Variants in MECOM observed in about 807,000 individuals in gnomAD.
MECOM encodes the protein histone-lysine N-methyltransferase MECOM.
MECOM carries 13 observed loss-of-function variants against 116.3 expected under a neutral mutation model. The observed-to-expected ratio is 0.11, with a 90% CI of 0.07 to 0.18. MECOM has a LOEUF of 0.18. Among genes scored for constraint, MECOM ranks in the 10% least tolerant of loss-of-function variants. The pLI, the probability that MECOM is intolerant of heterozygous loss-of-function variation, is 1.00. For synonymous variants in MECOM, 528 were observed against 535.2 expected (o/e 0.99, Z 0.19); for missense variants, 1,299 against 1,509.0 (o/e 0.86, Z 2.31).
At chr3:169,220,867 G>C (rs1279489572) in intron 2 of MECOM, among the ~76,000 whole-genome samples, 1 of 152,166 alleles carries the variant, frequency 6.6e-6, no homozygotes, top group Non-Finnish European at 1.5e-5. Flanking sequence ...CTGTCTTGTT[G>C]ACTAGTGTAT....
At chr3:169,290,745 T>C (rs1714382188) in intron 2 of MECOM, among the ~76,000 whole-genome samples, 1 of 152,186 alleles carries the variant, frequency 6.6e-6, no homozygotes, top group Admixed American at 6.5e-5. Flanking sequence ...TTCTAGATCA[T>C]AAATACTGAA....
At chr3:169,489,090 T>C (rs371499421) in intron 1 of MECOM, among the ~76,000 whole-genome samples, 3 of 152,268 alleles carry the variant, frequency 2.0e-5, no homozygotes, top group East Asian at 3.9e-4. Context: ...CTAGATAGAC[T>C]ACTATGAACA....
chr3:169,247,198 T>G (rs755632697), intron 2 of MECOM, among the ~76,000 whole-genome samples: 6 of 152,170 alleles, frequency 3.9e-5, no homozygotes, highest in South Asian at 2.1e-4. Flanking sequence ...TAATAATTAC[T>G]ATCATTCAGT....
intron 1 of MECOM, among the ~76,000 whole-genome samples, chr3:169,483,375 A>T (rs976577882): frequency 6.7e-6 from 1 of 149,660 alleles, no homozygotes; most frequent in African/African-American, 2.5e-5. Flanking sequence ...TTAAAATCAA[A>T]CAGTCACTAC....
At chr3:169,392,342 T>C (rs1168088654) in intron 1 of MECOM, among the ~76,000 whole-genome samples, 2 of 152,214 alleles carry the variant, frequency 1.3e-5, no homozygotes, top group Non-Finnish European at 1.5e-5. Flanking sequence ...AATGCTTCAA[T>C]TGCACATTCC....
chr3:169,629,601 G>A (rs56062766), intron 1 of MECOM, among the ~76,000 whole-genome samples: 4,371 of 152,198 alleles, frequency 0.029, 112 homozygotes, highest in East Asian at 0.067. Context: ...GTGTTCTTAC[G>A]TATGAGATTG....
At chr3:169,148,244 A>G (rs1005990803) in intron 2 of MECOM, among the ~76,000 whole-genome samples, 4 of 152,192 alleles carry the variant, frequency 2.6e-5, no homozygotes, top group African/African-American at 9.6e-5. Context: ...TACATTAATT[A>G]AAACACCTTG....
intron 2 of MECOM, among the ~76,000 whole-genome samples, chr3:169,357,620 G>T (rs1007345001): frequency 1.3e-5 from 2 of 151,756 alleles, no homozygotes; most frequent in Non-Finnish European, 2.9e-5. Flanking sequence ...TTACAGGTGT[G>T]CTTCCCACCT....
At chr3:169,356,706 G>A (rs1359861071) in intron 2 of MECOM, among the ~76,000 whole-genome samples, 2 of 151,896 alleles carry the variant, frequency 1.3e-5, no homozygotes, top group East Asian at 3.9e-4. Context: ...GCAAGGTAGT[G>A]GACGTCCCAG....
chr3:169,198,971 G>A (rs1463140127), intron 2 of MECOM, among the ~76,000 whole-genome samples: 1 of 151,878 alleles, frequency 6.6e-6, no homozygotes, highest in Admixed American at 6.6e-5. Flanking sequence ...GAAGAAGATG[G>A]AATAAGTGTG....
intron 2 of MECOM, among the ~76,000 whole-genome samples, chr3:169,284,680 T>C (rs770725432): frequency 8.5e-5 from 13 of 152,054 alleles, no homozygotes; most frequent in Non-Finnish European, 1.6e-4. Context: ...ATATGATAGG[T>C]CTTATAATTC....
intron 1 of MECOM, among the ~76,000 whole-genome samples, chr3:169,509,527 C>T (rs1012356700): frequency 3.9e-5 from 6 of 152,142 alleles, no homozygotes; most frequent in Admixed American, 1.3e-4. Flanking sequence ...CCATTTCCTC[C>T]TGCCCCTGGT....
At chr3:169,625,258 C>G (rs962469184) in intron 1 of MECOM, among the ~76,000 whole-genome samples, 2 of 152,020 alleles carry the variant, frequency 1.3e-5, no homozygotes, top group Non-Finnish European at 2.9e-5. Context: ...TAGAAATTTT[C>G]CAATGGAATG....
chr3:169,142,491 G>T (rs1738422901), intron 3 of MECOM, among the ~76,000 whole-genome samples: 1 of 151,878 alleles, frequency 6.6e-6, no homozygotes, highest in African/African-American at 2.4e-5. Flanking sequence ...ATGATAGACG[G>T]AATATTTTCT....
At chr3:169,483,317 C>T (rs1751659768) in intron 1 of MECOM, among the ~76,000 whole-genome samples, 1 of 147,746 alleles carries the variant, frequency 6.8e-6, no homozygotes, top group African/African-American at 2.5e-5. Context: ...CCACTTGTAT[C>T]CCTGAATCAT....
At chr3:169,445,178 AG>A (rs1225920818) in intron 1 of MECOM, among the ~76,000 whole-genome samples, 1 of 152,186 alleles carries the variant, frequency 6.6e-6, no homozygotes, top group Non-Finnish European at 1.5e-5. Flanking sequence ...TTGCATAAGT[AG>A]GAAGACCATG....
At chr3:169,231,410 C>T (rs1299586825) in intron 2 of MECOM, among the ~76,000 whole-genome samples, 1 of 151,996 alleles carries the variant, frequency 6.6e-6, no homozygotes, top group Non-Finnish European at 1.5e-5. Context: ...GGGAGAGGCA[C>T]ATCATAACAA....
chr3:169,598,042 T>C (rs181819479), intron 1 of MECOM, among the ~76,000 whole-genome samples: 2 of 152,238 alleles, frequency 1.3e-5, no homozygotes, highest in African/African-American at 4.8e-5. Flanking sequence ...GAAACCATAA[T>C]AAATAAGAGA....
At chr3:169,298,686 T>A (rs2217447) in intron 2 of MECOM, among the ~76,000 whole-genome samples, 18,192 of 152,182 alleles carry the variant, frequency 0.12, 1,351 homozygotes, top group African/African-American at 0.21. Flanking sequence ...CATGAAATAA[T>A]CTGAATTTAT....
Sources: allele counts gnomAD v4.1 joint callset (sites outside exome capture counted in the v4.1 genomes callset), GRCh38; gene constraint gnomAD v4.1.1; transcripts MANE v1.5; gene names NCBI Gene and HGNC (gene_info 2026-07-23, HGNC 2026-07-21).